The following ANKS1B variants were observed in gnomAD, a reference collection of about 807,000 sequenced individuals.
ANKS1B encodes ankyrin repeat and sterile alpha motif domain-containing protein 1B.
A neutral mutation model predicts 148.3 loss-of-function variants in ANKS1B; 36 were observed. The observed-to-expected ratio is 0.24, with a 90% confidence interval of 0.19 to 0.32. ANKS1B has a LOEUF of 0.32. ANKS1B is among the 10% of genes least tolerant of loss of function. ANKS1B has a pLI of 1.00. For synonymous variants in ANKS1B, 542 were observed against 560.8 expected, an observed-to-expected ratio of 0.97 and a Z score of 0.47; for missense variants, 1,157 against 1,542.6, an observed-to-expected ratio of 0.75 and a Z score of 4.19.
At chr12:99,411,022 C>T (rs1048546900) in intron 11 of ANKS1B, among the ~76,000 whole-genome samples, 1 of 152,236 alleles carries the variant, frequency 6.6e-6, no homozygotes, top group Non-Finnish European at 1.5e-5. Flanking sequence ...ACTGCATCAG[C>T]AGTTTCTGGG....
chr12:99,210,063 G>C (rs908972824), intron 14 of ANKS1B, among the ~76,000 whole-genome samples: 4 of 152,162 alleles, frequency 2.6e-5, no homozygotes, highest in African/African-American at 9.7e-5. Context: ...AAATTGGCCA[G>C]AAGCCCCTCT....
At chr12:98,753,536 T>C (rs910517799) in intron 25 of ANKS1B, among the ~76,000 whole-genome samples, 3 of 152,162 alleles carry the variant, frequency 2.0e-5, no homozygotes, top group African/African-American at 7.2e-5. Context: ...CAAGTAATTC[T>C]CCTGCCTCAG....
chr12:98,735,252 T>C, exon 10 of ANKS1B: 1 of 399,444 alleles, frequency 2.5e-6, no homozygotes, highest in East Asian at 3.6e-5. Flanking sequence ...TTTTTTTGTA[T>C]TATAAATTAC....
intron 14 of ANKS1B, among the ~76,000 whole-genome samples, chr12:99,223,790 A>G (rs2153941180): frequency 6.6e-6 from 1 of 152,314 alleles, no homozygotes; most frequent in South Asian, 2.1e-4. Flanking sequence ...TTATATGCCC[A>G]ACCAGCCAGC....
At chr12:99,462,648 A>G (rs55922562) in intron 10 of ANKS1B, among the ~76,000 whole-genome samples, 6,497 of 152,308 alleles carry the variant, frequency 0.043, 484 homozygotes, top group African/African-American at 0.15. Flanking sequence ...CTAGAAATTA[A>G]TGTTATCAAA....
chr12:99,615,343 A>T (rs2097946219), intron 9 of ANKS1B, among the ~76,000 whole-genome samples: 1 of 152,168 alleles, frequency 6.6e-6, no homozygotes, highest in Non-Finnish European at 1.5e-5. Context: ...CACATGGCAC[A>T]TTCAATAGTT....
chr12:99,111,170 C>A (rs2060210589), intron 15 of ANKS1B, among the ~76,000 whole-genome samples: 1 of 152,174 alleles, frequency 6.6e-6, no homozygotes, highest in Non-Finnish European at 1.5e-5. Flanking sequence ...TAAAACCTGA[C>A]TATAGAATGG....
At chr12:99,177,982 A>G (rs1330243826) in intron 14 of ANKS1B, among the ~76,000 whole-genome samples, 1 of 152,234 alleles carries the variant, frequency 6.6e-6, no homozygotes, top group Non-Finnish European at 1.5e-5. Context: ...TGTTCACTGC[A>G]ACACCAACAG....
chr12:99,813,074 T>A (rs1167091151), intron 2 of ANKS1B, among the ~76,000 whole-genome samples: 2 of 151,732 alleles, frequency 1.3e-5, no homozygotes, highest in Admixed American at 6.6e-5. Flanking sequence ...GCATAAAAAA[T>A]TATTTCAAAA....
intron 10 of ANKS1B, among the ~76,000 whole-genome samples, chr12:99,448,909 C>T (rs2095682004): frequency 6.6e-6 from 1 of 152,050 alleles, no homozygotes; most frequent in African/African-American, 2.4e-5. Context: ...TCCCTTTGGA[C>T]TCTATTGAAG....
Position 99,648,611 on chromosome 12 carries a change from G to A in ANKS1B, c.1272+6456C>T, listed in dbSNP as rs372415607. On this transcript the variant is annotated intron_variant, in intron 9 of 26. Transcript: ENST00000683438. The stretch of plus-strand genomic sequence containing the variant: ...CTCCACCTGAAGCTTGCCACGGGCC[G>A]CTCTTTTTATCTTCAGCTGTGTCCT... 1.2e-5 allele frequency: 20 copies of A among 1,614,048 alleles called. No homozygotes were observed. Among genetic ancestry groups the A allele is most frequent in the South Asian group, 8.8e-5 (8 of 91,080 alleles).
intron 9 of ANKS1B, among the ~76,000 whole-genome samples, chr12:99,563,510 C>T (rs1014225341): frequency 6.6e-6 from 1 of 152,088 alleles, no homozygotes; most frequent in Non-Finnish European, 1.5e-5. Context: ...AGTCAGAAAA[C>T]ACACAACACT....
intron 12 of ANKS1B, among the ~76,000 whole-genome samples, chr12:99,374,295 T>A (rs2093290887): frequency 6.6e-6 from 1 of 152,188 alleles, no homozygotes; most frequent in East Asian, 1.9e-4. Context: ...AGAGCCACTG[T>A]CTGTGTGGAG....
At chr12:99,711,282 C>T (rs2056599797) in intron 8 of ANKS1B, among the ~76,000 whole-genome samples, 1 of 152,002 alleles carries the variant, frequency 6.6e-6, no homozygotes, top group Admixed American at 6.6e-5. Context: ...CTGCACATCA[C>T]AGTTTTAATT....
chr12:99,066,295 T>C (rs1284559978), intron 16 of ANKS1B, among the ~76,000 whole-genome samples: 1 of 152,102 alleles, frequency 6.6e-6, no homozygotes, highest in Non-Finnish European at 1.5e-5. Context: ...CACTCCAGCC[T>C]GGGTGACAAA....
chr12:99,190,268 A>G (rs1299828599), intron 14 of ANKS1B, among the ~76,000 whole-genome samples: 1 of 152,172 alleles, frequency 6.6e-6, no homozygotes, highest in Non-Finnish European at 1.5e-5. Context: ...ATACTACCCA[A>G]AGCAATTTAT....
Position 99,297,755 on chromosome 12 carries a change from A to G in ANKS1B, c.1757-50891T>C, listed in dbSNP as rs530576595. Among the ~76,000 whole-genome samples, 11 of 152,236 alleles carry G rather than the reference A, an allele frequency of 7.2e-5. No individual in the cohort carries two copies. In the East Asian group the frequency reaches 2.1e-3, roughly 29 times the overall value. ...TTCCAAGTGACTCACAGGCAACTCC[A>G]GATCTAGTGTTCTATTATTAGCCTT... On this transcript the variant is annotated intron_variant, in intron 12 of 26. Coordinates refer to ENST00000683438, the MANE Select transcript of ANKS1B (RefSeq NM_001352186.2).
chr12:99,474,909 G>A (rs773117517), intron 10 of ANKS1B, among the ~76,000 whole-genome samples: 1 of 151,744 alleles, frequency 6.6e-6, no homozygotes, highest in African/African-American at 2.4e-5. Flanking sequence ...TATTTTTGTT[G>A]ATTACATGAT....
chr12:99,578,149 C>A (rs1327665441), intron 9 of ANKS1B, among the ~76,000 whole-genome samples: 7 of 152,084 alleles, frequency 4.6e-5, no homozygotes, highest in African/African-American at 1.7e-4. Flanking sequence ...TGGAAAAAGT[C>A]TTTGATAAAA....
Sources: gnomAD v4.1 joint callset for allele counts (sites outside exome capture counted in the v4.1 genomes callset) on GRCh38, gnomAD v4.1.1 for gene constraint, MANE v1.5 for transcripts, NCBI Gene and HGNC (gene_info 2026-07-23, HGNC 2026-07-21) for gene names.